The following NUDT16L1 variants were observed in gnomAD, a reference collection of about 807,000 sequenced individuals.
The protein encoded by NUDT16L1 is tudor-interacting repair regulator protein.
NUDT16L1 carries 19 observed loss-of-function variants against 17.3 expected under a neutral mutation model. The ratio of observed to expected loss-of-function variants is 1.10; its 90% CI spans 0.77 to 1.61. The LOEUF (loss-of-function observed/expected upper bound fraction) is 1.61, where lower values mean the gene tolerates loss of function less well. NUDT16L1 is among the 40% of genes most tolerant of loss of function. The pLI, the probability that NUDT16L1 is intolerant of heterozygous loss-of-function variation, is 0.00. For missense variants in NUDT16L1, 341 were observed against 292.0 expected, an observed-to-expected ratio of 1.17 and a Z score of -1.22; for synonymous variants, 255 against 138.6, an observed-to-expected ratio of 1.84 and a Z score of -5.90.
At chr16:4,695,065 C>T in exon 3 of NUDT16L1, 1 of 1,613,628 alleles carries the variant, frequency 6.2e-7, no homozygotes, top group Non-Finnish European at 8.5e-7. Context: ...GCCAGCTCCT[C>T]TTTGCCCTCA....
exon 3 of NUDT16L1, chr16:4,695,126 G>A (rs1474223829): frequency 5.0e-6 from 8 of 1,612,498 alleles, no homozygotes; most frequent in Non-Finnish European, 6.8e-6. Flanking sequence ...CCTGGCTGCA[G>A]CCACCGAGAA....
exon 3 of NUDT16L1, chr16:4,695,301 G>T: frequency 1.0e-6 from 1 of 969,630 alleles, no homozygotes; most frequent in Non-Finnish European, 1.5e-6. Context: ...TGGGCATCCT[G>T]TCATCATCTC....
At chr16:4,693,572 C>A, upstream of NUDT16L1, 1 of 835,074 alleles carries the variant, frequency 1.2e-6, no homozygotes, top group Non-Finnish European at 1.6e-6. Flanking sequence ...GACGACGCAC[C>A]GCGGCGCTGC....
intron 2 of NUDT16L1, 198 bp downstream of exon 2, chr16:4,694,436 G>A (rs1596329686): frequency 6.6e-7 from 1 of 1,513,444 alleles, no homozygotes. Flanking sequence ...GGCCGGCGCT[G>A]GGGCTCCCTC....
Position 4,694,490 on chromosome 16 carries a change from T to C in NUDT16L1, c.414+252T>C. 1.4e-6 allele frequency: 2 copies of C among 1,397,564 alleles called. 1 individual carries two copies. Among genetic ancestry groups the C allele is most frequent in the South Asian group, 2.7e-5 (2 of 74,764 alleles). The allele number at this position is 1,397,564 out of a possible 1,614,324, so 86.6% of individuals were successfully genotyped here. On this transcript the variant is annotated intron_variant, in intron 2 of 2. Transcript: ENST00000304301. ...CCTTGCTGCCTGCCATTGCCAATCCTGGGAGTGGGGGAGTGGGATCGGTGG... is the reference window on the plus strand; with the variant it reads ...CCTTGCTGCCTGCCATTGCCAATCCCGGGAGTGGGGGAGTGGGATCGGTGG...
At chr16:4,695,506 C>T (rs2079522906) in exon 3 of NUDT16L1, 3 of 549,404 alleles carry the variant, frequency 5.5e-6, no homozygotes, top group Non-Finnish European at 9.7e-6. Flanking sequence ...CTGATTGTCC[C>T]ACAGGGGTGG....
At chr16:4,695,538 A>G in exon 3 of NUDT16L1, 1 of 467,802 alleles carries the variant, frequency 2.1e-6, no homozygotes, top group Non-Finnish European at 3.8e-6. Context: ...GGGACCACTC[A>G]GAAGATGGGA....
At chr16:4,694,669 G>T (rs2079496744) in intron 2 of NUDT16L1, 1 of 1,419,978 alleles carries the variant, frequency 7.0e-7, no homozygotes, top group Non-Finnish European at 9.2e-7. Flanking sequence ...GGGTGTTCAG[G>T]CTTCGTTGGG....
chr16:4,695,098 G>C (rs767422461), exon 3 of NUDT16L1: 1 of 1,613,592 alleles, frequency 6.2e-7, no homozygotes, highest in Admixed American at 1.7e-5. Context: ...TGATGCCCGA[G>C]GAGAAGCTGG....
At chr16:4,694,332 C>G in intron 2 of NUDT16L1, 94 bp downstream of exon 2, 3 of 1,291,696 alleles carry the variant, frequency 2.3e-6, no homozygotes, top group Non-Finnish European at 3.0e-6. Context: ...TGAGGGTCCC[C>G]TGGCCGGGCT....
At chr16:4,693,908 G>A (rs1194642785) in intron 1 of NUDT16L1, 29 bp downstream of exon 1, 13 of 1,486,950 alleles carry the variant, frequency 8.7e-6, no homozygotes, top group East Asian at 2.8e-5. Context: ...GCGGGCGAGG[G>A]TGCCGGCGCG....
exon 2 of NUDT16L1, chr16:4,694,165 C>T (rs1475966077): frequency 3.8e-6 from 6 of 1,583,688 alleles, no homozygotes; most frequent in Non-Finnish European, 5.1e-6. Flanking sequence ...CACCTGTACG[C>T]GCGGCAGCTG....
At chr16:4,694,351 T>C in intron 2 of NUDT16L1, 113 bp downstream of exon 2, 3 of 1,408,792 alleles carry the variant, frequency 2.1e-6, no homozygotes, top group Non-Finnish European at 2.8e-6. Context: ...CTGGGTCGGG[T>C]GTCGCTGTCT....
At chr16:4,694,365 G>A (rs2079486474) in intron 2 of NUDT16L1, 127 bp downstream of exon 2, 1 of 1,342,552 alleles carries the variant, frequency 7.4e-7, no homozygotes, top group Non-Finnish European at 9.7e-7. Context: ...GCTGTCTCCA[G>A]CAATGGGGTG....
intron 2 of NUDT16L1, 109 bp downstream of exon 2, chr16:4,694,347 C>G (rs1023609117): frequency 8.2e-7 from 1 of 1,212,474 alleles, no homozygotes; most frequent in East Asian, 7.0e-5. Flanking sequence ...CGGGCTGGGT[C>G]GGGTGTCGCT....
At chr16:4,695,754 T>G (rs2079528626) in exon 3 of NUDT16L1, 1 of 398,074 alleles carries the variant, frequency 2.5e-6, no homozygotes, top group East Asian at 3.6e-5. Context: ...CCCACGTGGC[T>G]TGGTTCCCAG....
exon 3 of NUDT16L1, chr16:4,695,309 C>A: frequency 2.2e-6 from 2 of 908,442 alleles, no homozygotes; most frequent in Non-Finnish European, 3.3e-6. Flanking sequence ...CTGTCATCAT[C>A]TCCACTGTCC....
At chr16:4,695,214 C>G in exon 3 of NUDT16L1, 3 of 1,595,424 alleles carry the variant, frequency 1.9e-6, no homozygotes, top group Non-Finnish European at 2.6e-6. Flanking sequence ...TCCCCTGGGC[C>G]GGAAGACTGG....
In NUDT16L1 at chr16:4,695,114, G is replaced by GC; in HGVS notation, c.574dup (p.Leu192ProfsTer25). On this transcript the variant is annotated frameshift_variant, in exon 3 of 3. Transcript: ENST00000304301. LOFTEE classifies it high-confidence loss of function. Reference sequence around the variant, plus strand: ...GATGCCCGAGGAGAAGCTGGTTGAGGCCCTGGCTGCAGCCACCGAGAAGCA... The same window carrying GC: ...GATGCCCGAGGAGAAGCTGGTTGAGGCCCCTGGCTGCAGCCACCGAGAAGCA... 1.9e-6 allele frequency: 3 copies of GC among 1,612,282 alleles called. No individual in the cohort carries two copies. Among genetic ancestry groups the GC allele is most frequent in the Non-Finnish European group, 2.5e-6 (3 of 1,179,632 alleles).
Sources: allele counts gnomAD v4.1 joint callset, GRCh38; gene constraint gnomAD v4.1.1; transcripts MANE v1.5; gene names NCBI Gene and HGNC (gene_info 2026-07-23, HGNC 2026-07-21).